Variants in PCDHA4 observed in about 807,000 individuals in gnomAD.
The protein encoded by PCDHA4 is protocadherin alpha 4.
A neutral mutation model predicts 61.4 loss-of-function variants in PCDHA4; 49 were observed. The ratio of observed to expected loss-of-function variants is 0.80; its 90% CI spans 0.63 to 1.01. PCDHA4 has a LOEUF of 1.01. PCDHA4 is among the 50% of genes least tolerant of loss of function. The pLI is 0.00. For missense variants in PCDHA4, 1,254 were observed against 1,235.8 expected (o/e 1.01, Z -0.22); for synonymous variants, 590 against 550.3 (o/e 1.07, Z -1.01).
intron 1 of PCDHA4, chr5:140,850,516 A>G: frequency 6.3e-7 from 1 of 1,598,240 alleles, no homozygotes; most frequent in Non-Finnish European, 8.6e-7. Context: ...GAGAGCGGCC[A>G]GGCGCCAAAG....
At chr5:140,943,529 A>T (rs1291911076) in intron 1 of PCDHA4, among the ~76,000 whole-genome samples, 1 of 152,220 alleles carries the variant, frequency 6.6e-6, no homozygotes, top group Non-Finnish European at 1.5e-5. Context: ...TCAGTATGCA[A>T]AATGTCATGT....
chr5:140,949,074 C>T (rs2094343019), intron 1 of PCDHA4, among the ~76,000 whole-genome samples: 1 of 151,780 alleles, frequency 6.6e-6, no homozygotes, highest in African/African-American at 2.4e-5. Flanking sequence ...AACTCTTTCA[C>T]CCATTTATTA....
intron 1 of PCDHA4, chr5:140,967,766 T>C: frequency 6.2e-7 from 1 of 1,614,218 alleles, no homozygotes; most frequent in Non-Finnish European, 8.5e-7. Flanking sequence ...CTACCAGATC[T>C]ATGTGCAGGC....
chr5:140,809,266 G>A lies in PCDHA4; in HGVS notation c.2079G>A (p.Leu693=). The change falls in exon 1 of 4, where the codon CTG becomes CTA. Residue 693 remains leucine, a synonymous_variant. Coordinates refer to ENST00000530339, the MANE Select transcript of PCDHA4 (RefSeq NM_018907.4). Reference sequence around the variant, plus strand: ...GCGCTGTGGGTCCCGATGCTGCGCTGGTGGATGTCAACGTATACCTGATCA... The same window carrying A: ...GCGCTGTGGGTCCCGATGCTGCGCTAGTGGATGTCAACGTATACCTGATCA... The part of the protein sequence containing the change: ...LVGAVGPDAA[L]VDVNVYLIIA... The A allele has an allele frequency of 6.2e-7, 1 of 1,614,114 alleles. No individual in the cohort carries two copies. The highest frequency in any genetic ancestry group is 8.5e-7 in the Non-Finnish European group (1 of 1,179,968).
intron 1 of PCDHA4, chr5:140,829,768 C>G: frequency 1.9e-6 from 3 of 1,613,766 alleles, no homozygotes; most frequent in Non-Finnish European, 2.5e-6. Flanking sequence ...TGGACGAGAA[C>G]GACAACGCGC....
At chr5:140,898,797 C>T (rs1210404780) in intron 1 of PCDHA4, among the ~76,000 whole-genome samples, 7 of 152,160 alleles carry the variant, frequency 4.6e-5, no homozygotes, top group East Asian at 1.9e-4. Context: ...GCCATTTTCA[C>T]GATACTGATT....
rs1554262627 is a variant in PCDHA4 at position 141,009,982 on chromosome 5, T to C, written c.*45T>C. On this transcript the variant is annotated 3_prime_UTR_variant, in exon 4 of 4. Transcript: ENST00000530339. ...GCCACTTAGCCAGTTTTTGTAATAA[T>C]GGCAAATCTCTCCCATGTAGCAATT... 1 of 1,582,572 alleles carries C rather than the reference T, an allele frequency of 6.3e-7. No homozygotes were observed. Among genetic ancestry groups the C allele is most frequent in the East Asian group, 2.2e-5 (1 of 44,666 alleles).
intron 1 of PCDHA4, chr5:140,927,441 G>A: frequency 5.0e-6 from 8 of 1,614,130 alleles, no homozygotes; most frequent in Non-Finnish European, 4.2e-6. Context: ...GCGAATACCC[G>A]GAGTTGGTGT....
intron 1 of PCDHA4, chr5:140,928,465 G>A: frequency 6.2e-7 from 1 of 1,614,168 alleles, no homozygotes; most frequent in Non-Finnish European, 8.5e-7. Context: ...TCATTTCCAA[G>A]TAGAAGGCCG....
chr5:140,835,805 C>T (rs2150245230), intron 1 of PCDHA4: 3 of 1,613,062 alleles, frequency 1.9e-6, no homozygotes, highest in Non-Finnish European at 2.5e-6. Context: ...GCTGCCACAT[C>T]TTCACTGTGT....
At chr5:140,968,881 C>A in intron 1 of PCDHA4, 1 of 1,614,154 alleles carries the variant, frequency 6.2e-7, no homozygotes, top group Non-Finnish European at 8.5e-7. Context: ...CTGAAATTAC[C>A]CTTTATCTAA....
At chr5:140,830,040 T>A (rs2150180125) in intron 1 of PCDHA4, 1 of 1,613,784 alleles carries the variant, frequency 6.2e-7, no homozygotes, top group South Asian at 1.1e-5. Context: ...CTGCTGGTGC[T>A]GGTGAAAGAC....
chr5:140,909,454 C>G (rs1317276726), intron 1 of PCDHA4, among the ~76,000 whole-genome samples: 2 of 152,190 alleles, frequency 1.3e-5, no homozygotes, highest in African/African-American at 4.8e-5. Flanking sequence ...TCTCCAAGAT[C>G]CATCTGTCTT....
At chr5:140,851,813 A>G in intron 1 of PCDHA4, 1 of 954,990 alleles carries the variant, frequency 1.0e-6, no homozygotes, top group Non-Finnish European at 1.3e-6. Flanking sequence ...AATCCATAAG[A>G]CAGAAATCTG....
At chr5:140,966,790 T>C in intron 1 of PCDHA4, 1 of 1,529,556 alleles carries the variant, frequency 6.5e-7, no homozygotes, top group Non-Finnish European at 8.8e-7. Context: ...GCACCAGACC[T>C]GCGGCGACAG....
intron 1 of PCDHA4, chr5:140,877,450 A>G (rs1406485859): frequency 1.9e-6 from 3 of 1,613,636 alleles, no homozygotes; most frequent in Non-Finnish European, 2.5e-6. Flanking sequence ...GCCCGCGCTG[A>G]CGTCCACGGC....
chr5:140,859,387 C>A, intron 1 of PCDHA4: 2 of 268,138 alleles, frequency 7.5e-6, no homozygotes, highest in South Asian at 8.3e-5. Context: ...CTTCTCTAGT[C>A]ATCTTAAACA....
intron 1 of PCDHA4, among the ~76,000 whole-genome samples, chr5:140,934,486 A>G (rs1243287097): frequency 6.6e-6 from 1 of 152,124 alleles, no homozygotes; most frequent in East Asian, 1.9e-4. Context: ...AATTATATTC[A>G]CCTCATAAAC....
chr5:140,972,987 T>C (rs2096567014), intron 1 of PCDHA4, among the ~76,000 whole-genome samples: 1 of 152,044 alleles, frequency 6.6e-6, no homozygotes, highest in Admixed American at 6.6e-5. Flanking sequence ...TAAGGTAGAT[T>C]CTGTGCATTT....
Sources: allele counts gnomAD v4.1 joint callset (sites outside exome capture counted in the v4.1 genomes callset), GRCh38; gene constraint gnomAD v4.1.1; transcripts MANE v1.5; gene names NCBI Gene and HGNC (gene_info 2026-07-23, HGNC 2026-07-21).